RBFOX1: variants seen among roughly 807,000 people sequenced by gnomAD.
RBFOX1 encodes the protein RNA binding protein fox-1 homolog 1.
Under a neutral mutation model 57.7 loss-of-function variants are expected in RBFOX1, and 8 were observed. The ratio of observed to expected loss-of-function variants is 0.14; its 90% CI spans 0.08 to 0.25. The LOEUF (loss-of-function observed/expected upper bound fraction) is 0.25. Ranked by LOEUF, RBFOX1 falls within the 10% of genes least tolerant of loss-of-function variation. RBFOX1 has a pLI of 1.00. For missense variants in RBFOX1, 611 were observed against 548.5 expected, an observed-to-expected ratio of 1.11 and a Z score of -1.14; for synonymous variants, 326 against 222.4, an observed-to-expected ratio of 1.47 and a Z score of -4.15.
chr16:7,474,062 G>C (rs927876704), intron 4 of RBFOX1, among the ~76,000 whole-genome samples: 1 of 152,064 alleles, frequency 6.6e-6, no homozygotes, highest in African/African-American at 2.4e-5. Flanking sequence ...GCTGAGGAGG[G>C]CGGATCACGA....
intron 1 of RBFOX1, among the ~76,000 whole-genome samples, chr16:5,309,108 A>G (rs549934918): frequency 6.6e-6 from 1 of 152,322 alleles, no homozygotes; most frequent in Non-Finnish European, 1.5e-5. Context: ...GTCTTTAATA[A>G]GACAGCTCCC....
intron 3 of RBFOX1, among the ~76,000 whole-genome samples, chr16:6,812,433 G>C (rs1388988652): frequency 6.6e-6 from 1 of 152,068 alleles, no homozygotes; most frequent in African/African-American, 2.4e-5. Flanking sequence ...GAGTGCAGTG[G>C]CCCGATCTCG....
chr16:5,791,495 G>A (rs552767583), intron 3 of RBFOX1, among the ~76,000 whole-genome samples: 1 of 152,086 alleles, frequency 6.6e-6, no homozygotes, highest in Non-Finnish European at 1.5e-5. Context: ...ATGGTCTATC[G>A]TGTTCATGCC....
rs4786160 is a variant in RBFOX1, at chr16:7,403,322, G to A, written c.28-114825G>A. ...GTAGTCACCGTGCTATACATTAGACGTCTAGAATTCAGTCATCTTGGATAA... is the reference window on the plus strand; with the variant it reads ...GTAGTCACCGTGCTATACATTAGACATCTAGAATTCAGTCATCTTGGATAA... On this transcript the variant is annotated intron_variant, in intron 4 of 15. Transcript: ENST00000550418. Among the ~76,000 whole-genome samples, 180 of 152,162 alleles carry A rather than the reference G, an allele frequency of 1.2e-3. 3 individuals carry two copies. In the South Asian group the frequency reaches 0.036, roughly 30 times the overall value.
In RBFOX1 at chr16:7,712,734, A is replaced by G. The variant is rs889084247; in HGVS notation, c.*1989A>G. 2.0e-5 allele frequency: 3 copies of G among 152,240 alleles called. No individual in the cohort carries two copies. The highest frequency in any genetic ancestry group is 7.2e-5 in the African/African-American group (3 of 41,468). 9.4% of individuals were successfully genotyped at this position (152,240 alleles called of 1,614,324 possible). Reference sequence around the variant, plus strand: ...ATGGGTGCCTGGTTGATGTTCTTAAAGGAAACGAATTATTAAAACACTATG... The same window carrying G: ...ATGGGTGCCTGGTTGATGTTCTTAAGGGAAACGAATTATTAAAACACTATG... On this transcript the variant is annotated 3_prime_UTR_variant, in exon 16 of 16. Coordinates refer to ENST00000550418, the MANE Select transcript of RBFOX1 (RefSeq NM_018723.4).
At chr16:5,738,655 A>G (rs1004007798) in intron 3 of RBFOX1, among the ~76,000 whole-genome samples, 13 of 150,368 alleles carry the variant, frequency 8.6e-5, no homozygotes, top group African/African-American at 3.2e-4. Flanking sequence ...AAAAAAAAAA[A>G]GGGAAATCTA....
chr16:7,043,353 T>C (rs1268899104), intron 3 of RBFOX1, among the ~76,000 whole-genome samples: 2 of 152,182 alleles, frequency 1.3e-5, no homozygotes, highest in African/African-American at 2.4e-5. Context: ...AAATGTACAA[T>C]GTGTCATTTA....
chr16:5,571,274 G>A (rs1028462264), intron 2 of RBFOX1, among the ~76,000 whole-genome samples: 53 of 137,610 alleles, frequency 3.9e-4, no homozygotes, highest in African/African-American at 1.3e-3. Context: ...AGGCTGGAGT[G>A]CAGTGTTGTG....
rs555293651 is a variant in RBFOX1, at chr16:6,368,896, C to T, written c.-64+51839C>T. On this transcript the variant is annotated intron_variant, in intron 2 of 15. Transcript: ENST00000550418. ...GTAAAGATGGATTGTGGTAAAGTAA[C>T]GCAGTGGAATACTACAGAGCAGTGA... 5.9e-5 allele frequency among the ~76,000 whole-genome samples: 9 copies of T among 152,170 alleles called. 1 individual carries two copies. In the South Asian group the frequency reaches 6.2e-4, roughly 11 times the overall value.
intron 3 of RBFOX1, among the ~76,000 whole-genome samples, chr16:5,767,771 C>A (rs2053838815): frequency 6.6e-6 from 1 of 152,120 alleles, no homozygotes; most frequent in Non-Finnish European, 1.5e-5. Flanking sequence ...CATTAGTTGC[C>A]TTTGCTGGGC....
intron 1 of RBFOX1, among the ~76,000 whole-genome samples, chr16:5,398,357 C>T (rs1165042313): frequency 6.6e-6 from 1 of 151,092 alleles, no homozygotes; most frequent in Non-Finnish European, 1.5e-5. Context: ...GTTTGAGCAC[C>T]TGTTTTAGTG....
At chr16:6,944,708 C>T (rs1285941148) in intron 3 of RBFOX1, among the ~76,000 whole-genome samples, 1 of 152,118 alleles carries the variant, frequency 6.6e-6, no homozygotes, top group Non-Finnish European at 1.5e-5. Context: ...ACATGGTTTC[C>T]TGGGCAACCT....
At chr16:6,464,893 C>G (rs1006034441) in intron 2 of RBFOX1, among the ~76,000 whole-genome samples, 4 of 152,212 alleles carry the variant, frequency 2.6e-5, no homozygotes, top group African/African-American at 7.2e-5. Context: ...AATGTAGCCT[C>G]CAGCACAGAG....
Position 5,460,789 on chromosome 16 carries a change from A to G in RBFOX1, c.220-6427A>G, listed in dbSNP as rs550668213. On this transcript the variant is annotated intron_variant, in intron 1 of 2. Transcript: ENST00000585867. Reference sequence around the variant, plus strand: ...ATGCCTCTGAGTGATGAAGATTCACATTCGAGGAAGGCACAAAGGAAAAGC... The same window carrying G: ...ATGCCTCTGAGTGATGAAGATTCACGTTCGAGGAAGGCACAAAGGAAAAGC... Among the ~76,000 whole-genome samples, 127 of 152,356 alleles carry G rather than the reference A, an allele frequency of 8.3e-4. 1 individual carries two copies. The highest frequency in any genetic ancestry group is 2.4e-3 in the Admixed American group (37 of 15,304).
At chr16:7,483,523 C>T (rs1475739839) in intron 4 of RBFOX1, among the ~76,000 whole-genome samples, 2 of 152,132 alleles carry the variant, frequency 1.3e-5, no homozygotes, top group Non-Finnish European at 2.9e-5. Context: ...CTTTAATATC[C>T]AGACCTTTCC....
intron 2 of RBFOX1, among the ~76,000 whole-genome samples, chr16:5,498,889 C>G (rs1015656733): frequency 6.6e-6 from 1 of 152,326 alleles, no homozygotes; most frequent in East Asian, 1.9e-4. Context: ...CTTTGGCCAT[C>G]GTGGGTCTGC....
intron 4 of RBFOX1, among the ~76,000 whole-genome samples, chr16:7,486,161 T>C (rs1262565874): frequency 6.8e-6 from 1 of 147,596 alleles, no homozygotes; most frequent in African/African-American, 2.5e-5. Context: ...CTTGCTTTGT[T>C]GGCCAGGCTG....
At chr16:7,338,358 G>T (rs1231862828) in intron 4 of RBFOX1, among the ~76,000 whole-genome samples, 1 of 152,104 alleles carries the variant, frequency 6.6e-6, no homozygotes, top group Non-Finnish European at 1.5e-5. Flanking sequence ...CTCTGACGTG[G>T]ATAGCAATGG....
intron 1 of RBFOX1, among the ~76,000 whole-genome samples, chr16:6,280,670 G>C (rs541260150): frequency 7.2e-5 from 11 of 152,074 alleles, no homozygotes; most frequent in African/African-American, 2.7e-4. Flanking sequence ...ATTAAGATAG[G>C]GAAATTATAT....
Sources: gnomAD v4.1 joint callset for allele counts (sites outside exome capture counted in the v4.1 genomes callset) on GRCh38, gnomAD v4.1.1 for gene constraint, MANE v1.5 for transcripts, NCBI Gene and HGNC (gene_info 2026-07-23, HGNC 2026-07-21) for gene names.